The following NDNF variants were observed in gnomAD, a reference collection of about 807,000 sequenced individuals.
NDNF encodes protein NDNF.
A neutral mutation model predicts 42.0 loss-of-function variants in NDNF; 16 were observed. The observed-to-expected ratio is 0.38, with a 90% CI of 0.26 to 0.58. NDNF has a LOEUF of 0.58. NDNF is among the 20% of genes least tolerant of loss of function. The pLI is 0.67. For missense variants in NDNF, 616 were observed against 666.2 expected (o/e 0.92, Z 0.83); for synonymous variants, 248 against 251.7 (o/e 0.99, Z 0.14).
intron 1 of NDNF, 165 bp downstream of exon 1, chr4:121,071,828 T>C (rs918449177): frequency 7.4e-5 from 11 of 149,506 alleles, no homozygotes; most frequent in African/African-American, 2.7e-4. Flanking sequence ...CTCCTACGGA[T>C]AGGGCGCCCT....
intron 1 of NDNF, among the ~76,000 whole-genome samples, chr4:121,060,524 T>A (rs1341409522): frequency 6.6e-6 from 1 of 152,060 alleles, no homozygotes; most frequent in Non-Finnish European, 1.5e-5. Context: ...CCCCAAGCAG[T>A]TTGTGTTTAA....
rs1727567100 is a variant in NDNF, at chr4:121,070,242, CCGATCGCCCT to C, written c.-2+1741_-2+1750del. On this transcript the variant is annotated intron_variant, in intron 1 of 3. Transcript: ENST00000379692. ...TAACAAACAATAATGAATAATCATA[CCGATCGCCCT>C]CACTACACTCTGCTTTATATACATA... Among the ~76,000 whole-genome samples, 5 of 152,272 alleles carry C rather than the reference CCGATCGCCCT, an allele frequency of 3.3e-5. No homozygotes were observed. In the South Asian group the frequency reaches 1.0e-3, roughly 32 times the overall value.
intron 1 of NDNF, among the ~76,000 whole-genome samples, chr4:121,056,983 A>T (rs1219003866): frequency 1.3e-5 from 2 of 152,244 alleles, no homozygotes; most frequent in Non-Finnish European, 1.5e-5. Context: ...CCACAAATAC[A>T]AGTAGGGCAT....
intron 1 of NDNF, among the ~76,000 whole-genome samples, chr4:121,061,709 TATTTATTCATTTATTCATGC>T (rs1200184279): frequency 6.6e-6 from 1 of 152,214 alleles, no homozygotes; most frequent in East Asian, 1.9e-4. Context: ...TTTATTCGTG[TATTTATTCATTTATTCATGC>T]ATTTATTCAT....
At chr4:121,056,475 G>A (rs936378238) in intron 1 of NDNF, among the ~76,000 whole-genome samples, 5 of 152,156 alleles carry the variant, frequency 3.3e-5, no homozygotes, top group African/African-American at 7.2e-5. Flanking sequence ...GGATCAAATC[G>A]AACCATCACT....
rs1726871489 is a variant in NDNF at position 121,036,565 on chromosome 4, C to T, written c.1406G>A (p.Trp469Ter). The change falls in exon 4 of 4, where the codon TGG (tryptophan) becomes TAG (stop). Residue 469 changes from tryptophan to a stop codon, truncating the protein, a stop_gained. Coordinates refer to ENST00000379692, the MANE Select transcript of NDNF (RefSeq NM_024574.4). LOFTEE classifies it high-confidence loss of function. The stretch of plus-strand genomic sequence containing the variant: ...CTTGTTCCTTTCCTGAGTGCCTAGC[C>T]AAGCCACGGTGGCTGAGGAACAGGT... ...LRTCSSATVA[W>*]LGTQERNKFC... 5 of 1,614,078 alleles carry T rather than the reference C, an allele frequency of 3.1e-6. No individual in the cohort carries two copies. The highest frequency in any genetic ancestry group is 1.3e-5 in the African/African-American group (1 of 75,020).
intron 2 of NDNF, among the ~76,000 whole-genome samples, chr4:121,043,007 A>T (rs1727028254): frequency 6.6e-6 from 1 of 152,226 alleles, no homozygotes; most frequent in Admixed American, 6.5e-5. Context: ...ATATGGAAGC[A>T]CTTATGATTA....
chr4:121,039,190 G>GTA (rs1485229200), intron 3 of NDNF, among the ~76,000 whole-genome samples: 12 of 67,998 alleles, frequency 1.8e-4, no homozygotes, highest in African/African-American at 5.5e-4. Context: ...GTGTGTGTGT[G>GTA]TGTATATATA....
At chr4:121,064,002 G>A (rs1388348214) in intron 1 of NDNF, among the ~76,000 whole-genome samples, 1 of 152,180 alleles carries the variant, frequency 6.6e-6, no homozygotes, top group Non-Finnish European at 1.5e-5. Context: ...TGCATAGACA[G>A]TCTACAATTA....
intron 1 of NDNF, 152 bp downstream of exon 1, chr4:121,071,841 A>C (rs1045563513): frequency 1.3e-5 from 2 of 150,764 alleles, no homozygotes; most frequent in African/African-American, 4.9e-5. Context: ...GGCGCCCTTG[A>C]GAAGCTTCTT....
intron 1 of NDNF, among the ~76,000 whole-genome samples, chr4:121,048,862 A>G (rs1727141234): frequency 6.6e-6 from 1 of 152,166 alleles, no homozygotes; most frequent in South Asian, 2.1e-4. Flanking sequence ...CTGAGATAAA[A>G]ACAATATTAA....
chr4:121,059,397 T>C (rs1184055047), intron 1 of NDNF, among the ~76,000 whole-genome samples: 1 of 152,238 alleles, frequency 6.6e-6, no homozygotes, highest in Non-Finnish European at 1.5e-5. Context: ...ATAGGCTTAA[T>C]AGCAAATAAA....
At chr4:121,056,240 C>T (rs1727293164) in intron 1 of NDNF, among the ~76,000 whole-genome samples, 1 of 152,158 alleles carries the variant, frequency 6.6e-6, no homozygotes, top group Admixed American at 6.5e-5. Context: ...ACACAGGCAC[C>T]AGCAGGGAAG....
chr4:121,036,478 T>C lies in NDNF; in HGVS notation c.1493A>G (p.Gln498Arg). The C allele has an allele frequency of 6.2e-7, 1 of 1,614,174 alleles. No individual in the cohort carries two copies. The highest frequency in any genetic ancestry group is 2.2e-5 in the East Asian group (1 of 44,882). The change falls in exon 4 of 4, where the codon CAA becomes CGA. Residue 498 changes from glutamine to arginine, a missense_variant. Transcript: ENST00000379692. ...TATATCTGGTCCTAGACATTGGTTT[T>C]GCTCTCTTTTCTTCTGGTCTTCATT... ...NYNEDQKKRE[Q>R]NQCLGPDIRK...
At chr4:121,059,553 G>C (rs115745481) in intron 1 of NDNF, among the ~76,000 whole-genome samples, 83 of 152,302 alleles carry the variant, frequency 5.4e-4, no homozygotes, top group African/African-American at 1.9e-3. Context: ...TACAGTGATG[G>C]CATGTGCTGG....
intron 1 of NDNF, among the ~76,000 whole-genome samples, chr4:121,060,495 TA>T (rs959167825): frequency 2.4e-4 from 36 of 147,790 alleles, no homozygotes; most frequent in African/African-American, 7.7e-4. Flanking sequence ...TTTTTTACAT[TA>T]AAAAAAAAAG....
intron 1 of NDNF, among the ~76,000 whole-genome samples, chr4:121,048,608 G>A (rs2148766427): frequency 6.6e-6 from 1 of 152,350 alleles, no homozygotes; most frequent in East Asian, 1.9e-4. Flanking sequence ...GGGAGGCCAA[G>A]GCAGGTGGAT....
intron 1 of NDNF, among the ~76,000 whole-genome samples, chr4:121,053,719 C>T (rs1237320840): frequency 6.6e-6 from 1 of 152,186 alleles, no homozygotes; most frequent in East Asian, 1.9e-4. Context: ...ACTGAGATAG[C>T]TGGGATAACT....
In NDNF at chr4:121,036,527, TG is replaced by T; in HGVS notation, c.1443del (p.Tyr481Ter). ...GTQERNKFCI[Y>X]KKEVDDNYNE... ...TTGTAGTTATCATCCACTTCTTTTT[TG>T]TAGATGCAAAACTTGTTCCTTTCCT... On this transcript the variant is annotated frameshift_variant, in exon 4 of 4. Coordinates refer to ENST00000379692, the MANE Select transcript of NDNF (RefSeq NM_024574.4). LOFTEE classifies it high-confidence loss of function. The T allele has an allele frequency of 6.2e-7, 1 of 1,614,230 alleles. No homozygotes were observed. The highest frequency in any genetic ancestry group is 8.5e-7 in the Non-Finnish European group (1 of 1,180,046).
Sources: allele counts gnomAD v4.1 joint callset (sites outside exome capture counted in the v4.1 genomes callset), GRCh38; gene constraint gnomAD v4.1.1; transcripts MANE v1.5; gene names NCBI Gene and HGNC (gene_info 2026-07-23, HGNC 2026-07-21).